PTPRD: variants seen among roughly 807,000 people sequenced by gnomAD.
PTPRD encodes receptor-type tyrosine-protein phosphatase delta.
PTPRD carries 34 observed loss-of-function variants against 214.5 expected under a neutral mutation model. The ratio of observed to expected loss-of-function variants is 0.16; its 90% confidence interval spans 0.12 to 0.21. The LOEUF (loss-of-function observed/expected upper bound fraction) is 0.21, where lower values mean the gene tolerates loss of function less well. PTPRD is among the 10% of genes least tolerant of loss of function. PTPRD has a pLI of 1.00. For synonymous variants in PTPRD, 1,128 were observed against 845.7 expected, an observed-to-expected ratio of 1.33 and a Z score of -5.79; for missense variants, 2,545 against 2,398.7, an observed-to-expected ratio of 1.06 and a Z score of -1.27.
chr9:9,120,428 C>T (rs1045522757), intron 10 of PTPRD, among the ~76,000 whole-genome samples: 1 of 152,214 alleles, frequency 6.6e-6, no homozygotes, highest in Non-Finnish European at 1.5e-5. Context: ...CAATCTGCCT[C>T]ATTACCATCA....
chr9:8,451,638 G>T (rs919326160), intron 33 of PTPRD, among the ~76,000 whole-genome samples: 3 of 152,160 alleles, frequency 2.0e-5, no homozygotes, highest in East Asian at 1.9e-4. Context: ...TTAATGAAAC[G>T]TCACTGGGTG....
At position 10,060,904 on chromosome 9, in the gene PTPRD, CTTTCTTTCTTTCT is replaced by C. The variant is rs1567408577; in HGVS notation, c.-544-27127_-544-27115del. Among the ~76,000 whole-genome samples the C allele has an allele frequency of 7.0e-4, 48 of 68,156 alleles. 2 individuals carry two copies. The highest frequency in any genetic ancestry group is 6.0e-3 in the African/African-American group (43 of 7,224). 44.7% of individuals were successfully genotyped at this position (68,156 alleles called of 152,430 possible). A position where few individuals can be genotyped will look rare whatever the true frequency, so the allele number is the denominator to read the frequency against. On this transcript the variant is annotated intron_variant, in intron 3 of 45. Coordinates refer to ENST00000381196, the MANE Select transcript of PTPRD (RefSeq NM_002839.4). ...TCCTTCCTTCCTTCCTTCCTTCTTTCTTTCTTTCTTTCTTTCTTTCTTTCTTTCTTTCTTTCTT... is the reference window on the plus strand; with the variant it reads ...TCCTTCCTTCCTTCCTTCCTTCTTTCTTCTTTCTTTCTTTCTTTCTTTCTT...
At chr9:9,181,342 T>C (rs377476407) in intron 10 of PTPRD, among the ~76,000 whole-genome samples, 160 of 152,086 alleles carry the variant, frequency 1.1e-3, no homozygotes, top group African/African-American at 3.7e-3. Flanking sequence ...TAGGTAGTTA[T>C]GTTTTTTTCT....
intron 9 of PTPRD, among the ~76,000 whole-genome samples, chr9:9,268,161 T>C (rs1351011525): frequency 6.6e-6 from 1 of 151,162 alleles, no homozygotes; most frequent in Non-Finnish European, 1.5e-5. Flanking sequence ...ATAAATTCAG[T>C]GAAGTCGCAG....
At chr9:9,480,739 C>A (rs968314970) in intron 8 of PTPRD, among the ~76,000 whole-genome samples, 1 of 151,774 alleles carries the variant, frequency 6.6e-6, no homozygotes, top group South Asian at 2.1e-4. Context: ...ATTTAGGATG[C>A]AATAGTCTTG....
intron 3 of PTPRD, among the ~76,000 whole-genome samples, chr9:10,132,622 C>T (rs2098903865): frequency 6.6e-6 from 1 of 152,046 alleles, no homozygotes. Context: ...CTCTGCTATG[C>T]TAAGAATATC....
intron 12 of PTPRD, among the ~76,000 whole-genome samples, chr9:8,669,040 G>C (rs571337581): frequency 6.6e-6 from 1 of 152,116 alleles, no homozygotes; most frequent in Non-Finnish European, 1.5e-5. Flanking sequence ...AGCGGAGAGA[G>C]AGAAGACTCA....
At chr9:9,524,453 A>C (rs2073528071) in intron 8 of PTPRD, among the ~76,000 whole-genome samples, 1 of 152,222 alleles carries the variant, frequency 6.6e-6, no homozygotes, top group Non-Finnish European at 1.5e-5. Flanking sequence ...CTAATAATGC[A>C]AATTTTCTAA....
intron 10 of PTPRD, among the ~76,000 whole-genome samples, chr9:9,119,327 T>C (rs324541): frequency 0.63 from 96,009 of 151,992 alleles, 30,854 homozygotes; most frequent in African/African-American, 0.73. Context: ...TGAGCCTTCC[T>C]TCCAATGTCT....
chr9:9,521,366 G>A (rs965760442), intron 8 of PTPRD, among the ~76,000 whole-genome samples: 1 of 152,022 alleles, frequency 6.6e-6, no homozygotes, highest in Non-Finnish European at 1.5e-5. Context: ...CAATCCATTT[G>A]TCACCCACAT....
chr9:8,321,487 G>A (rs4008235), intron 44 of PTPRD, among the ~76,000 whole-genome samples: 5,505 of 41,688 alleles, frequency 0.13, 379 homozygotes, highest in African/African-American at 0.32. Context: ...GTGTGTGTGT[G>A]TATATATATA....
At chr9:9,682,614 C>T (rs1411547142) in intron 7 of PTPRD, among the ~76,000 whole-genome samples, 1 of 151,692 alleles carries the variant, frequency 6.6e-6, no homozygotes, top group Non-Finnish European at 1.5e-5. Context: ...GGAGCTAAGC[C>T]TTGGAAGTGC....
chr9:9,866,455 G>T (rs1238234768), intron 5 of PTPRD, among the ~76,000 whole-genome samples: 1 of 151,966 alleles, frequency 6.6e-6, no homozygotes, highest in Admixed American at 6.6e-5. Context: ...TGTCTCTTAA[G>T]CAAAGGTTCT....
chr9:9,898,368 T>C (rs553729229), intron 5 of PTPRD, among the ~76,000 whole-genome samples: 1 of 152,218 alleles, frequency 6.6e-6, no homozygotes, highest in South Asian at 2.1e-4. Context: ...TACATGGTAA[T>C]GATGCCTTGA....
At chr9:8,827,936 G>A (rs1351802686) in intron 11 of PTPRD, among the ~76,000 whole-genome samples, 1 of 151,932 alleles carries the variant, frequency 6.6e-6, no homozygotes, top group Non-Finnish European at 1.5e-5. Flanking sequence ...ATATCTCAAA[G>A]CACATTTAAT....
chr9:8,433,611 A>C (rs544971563), intron 35 of PTPRD, among the ~76,000 whole-genome samples: 1 of 152,298 alleles, frequency 6.6e-6, no homozygotes, highest in East Asian at 1.9e-4. Context: ...TTAGTTTTTA[A>C]TCAAAAATTC....
In PTPRD at chr9:8,499,250, T is replaced by G. The variant is rs181062928; in HGVS notation, c.2322+397A>C. On this transcript the variant is annotated intron_variant, in intron 25 of 45. Coordinates refer to ENST00000381196, the MANE Select transcript of PTPRD (RefSeq NM_002839.4). ...TGGAAGAAGACACACATTTAGAAAT[T>G]AGAACAACTAAGTTGCAAGTTGTTT... Among the ~76,000 whole-genome samples, 291 of 152,296 alleles carry G rather than the reference T, an allele frequency of 1.9e-3. 2 individuals carry two copies. The highest frequency in any genetic ancestry group is 7.0e-3 in the African/African-American group (289 of 41,568).
chr9:9,436,685 AT>A (rs1167799168), intron 8 of PTPRD, among the ~76,000 whole-genome samples: 2 of 151,608 alleles, frequency 1.3e-5, no homozygotes, highest in East Asian at 3.8e-4. Flanking sequence ...GAAAAAAAAA[AT>A]CTCTCTACAT....
chr9:10,449,349 C>T (rs373490763), intron 2 of PTPRD, among the ~76,000 whole-genome samples: 2,882 of 150,246 alleles, frequency 0.019, 162 homozygotes, highest in African/African-American at 0.065. Context: ...TGCTCAATGT[C>T]GCCCAGGCTG....
Sources: gnomAD v4.1 joint callset for allele counts (sites outside exome capture counted in the v4.1 genomes callset) on GRCh38, gnomAD v4.1.1 for gene constraint, MANE v1.5 for transcripts, NCBI Gene and HGNC (gene_info 2026-07-23, HGNC 2026-07-21) for gene names.